Variants in ASMTL observed in about 807,000 individuals in gnomAD.
The protein encoded by ASMTL is probable bifunctional dTTP/UTP pyrophosphatase/methyltransferase protein.
ASMTL carries 57 observed loss-of-function variants against 60.3 expected under a neutral mutation model. The ratio of observed to expected loss-of-function variants is 0.95; its 90% CI spans 0.76 to 1.18. The LOEUF (loss-of-function observed/expected upper bound fraction) is 1.18, where lower values mean the gene tolerates loss of function less well. Among genes scored for constraint, ASMTL ranks in the 50% most tolerant of loss-of-function variants. The probability of loss-of-function intolerance (pLI) is 0.00; values close to 1 mark genes in which losing one functional copy is unlikely to be tolerated. For missense variants in ASMTL, 981 were observed against 852.6 expected (o/e 1.15, Z -1.88); for synonymous variants, 419 against 373.0 (o/e 1.12, Z -1.42).
At chrX:1,410,820 G>C (rs1435157496) in intron 12 of ASMTL, among the ~76,000 whole-genome samples, 2 of 151,890 alleles carry the variant, frequency 1.3e-5, no homozygotes, top group Non-Finnish European at 2.9e-5. Flanking sequence ...AGCCTAGGAG[G>C]TCAAGGCTGC....
At chrX:1,416,669 C>T (rs1311004638) in intron 11 of ASMTL, among the ~76,000 whole-genome samples, 1 of 151,698 alleles carries the variant, frequency 6.6e-6, no homozygotes, top group Admixed American at 6.6e-5. Flanking sequence ...GAGAGTTGCA[C>T]ACACACAAAC....
At chrX:1,426,502 G>A (rs1254531744) in intron 7 of ASMTL, among the ~76,000 whole-genome samples, 4 of 152,188 alleles carry the variant, frequency 2.6e-5, no homozygotes, top group African/African-American at 9.7e-5. Flanking sequence ...GGTGTTGGGA[G>A]GGCTGCATCC....
intron 12 of ASMTL, among the ~76,000 whole-genome samples, chrX:1,407,422 T>C (rs1433686145): frequency 6.7e-6 from 1 of 149,992 alleles, no homozygotes; most frequent in East Asian, 2.0e-4. Context: ...ATTCATGAGA[T>C]GGATGGATGG....
intron 12 of ASMTL, among the ~76,000 whole-genome samples, chrX:1,411,972 C>T (rs1325324975): frequency 1.3e-5 from 2 of 151,654 alleles, no homozygotes; most frequent in Admixed American, 1.3e-4. Context: ...CTATCAAGCC[C>T]GGCTTATTTT....
chrX:1,417,810 GAC>G (rs1204332484), intron 11 of ASMTL, 161 bp downstream of exon 11: 71 of 302,048 alleles, frequency 2.4e-4, no homozygotes, highest in Non-Finnish European at 3.1e-4. Context: ...CACACAGAGA[GAC>G]ACACACACAC....
At chrX:1,452,430 T>C (rs2092882244) in intron 1 of ASMTL, among the ~76,000 whole-genome samples, 1 of 141,964 alleles carries the variant, frequency 7.0e-6, no homozygotes. Context: ...TCCCTAGCGG[T>C]CCTGGGTCAC....
At chrX:1,406,437 A>G (rs1488517394) in intron 12 of ASMTL, among the ~76,000 whole-genome samples, 7 of 147,008 alleles carry the variant, frequency 4.8e-5, no homozygotes, top group African/African-American at 1.8e-4. Flanking sequence ...AGATGGATGG[A>G]GGGATGGGTG....
Position 1,427,990 on chromosome X carries a change from G to A in ASMTL, c.641C>T (p.Pro214Leu), listed in dbSNP as rs1158958372. The A allele has an allele frequency of 1.2e-5, 20 of 1,613,470 alleles. No individual in the cohort carries two copies. Among genetic ancestry groups the A allele is most frequent in the Admixed American group, 1.0e-4 (6 of 60,000 alleles). The change falls in exon 7 of 13, where the codon CCG becomes CTG. Residue 214 changes from proline to leucine, a missense_variant. Pro to Leu is a moderately conservative substitution (Grantham distance 98). Transcript: ENST00000381317. The stretch of plus-strand genomic sequence containing the variant: ...CCGCCGCAGGTCCTCCGGACGGGGC[G>A]GGTAGTAGAGCTTCACCAGCTGCTT... The part of the protein sequence containing the change: ...FCKQLVKLYY[P>L]PRPEDLRRSV...
At chrX:1,411,931 C>A (rs2090043941) in intron 12 of ASMTL, among the ~76,000 whole-genome samples, 1 of 150,420 alleles carries the variant, frequency 6.6e-6, no homozygotes, top group Non-Finnish European at 1.5e-5. Context: ...CCTGCCTCAG[C>A]CTCCTGAGTA....
intron 3 of ASMTL, 95 bp from the exon 4 acceptor site, chrX:1,435,853 T>C (rs2090952127): frequency 9.0e-7 from 1 of 1,111,214 alleles, no homozygotes; most frequent in Non-Finnish European, 1.4e-6. Context: ...ACTTGTTTTA[T>C]GGAAATGAAG....
At chrX:1,433,673 C>G (rs1263551440) in intron 5 of ASMTL, among the ~76,000 whole-genome samples, 2 of 151,230 alleles carry the variant, frequency 1.3e-5, no homozygotes, top group African/African-American at 4.9e-5. Flanking sequence ...AAGCGAGACT[C>G]TGTCACAAAA....
intron 12 of ASMTL, among the ~76,000 whole-genome samples, chrX:1,411,806 CTTTTTTTTTTT>C (rs756437483): frequency 5.3e-4 from 46 of 86,176 alleles, no homozygotes; most frequent in South Asian, 2.2e-3. Flanking sequence ...TTAGGATTTT[CTTTTTTTTTTT>C]TTTTTTTTTT....
chrX:1,431,423 C>A (rs1236250373), intron 6 of ASMTL, among the ~76,000 whole-genome samples: 1 of 134,596 alleles, frequency 7.4e-6, no homozygotes, highest in South Asian at 2.3e-4. Flanking sequence ...AGTTATATAA[C>A]CTATCATATA....
chrX:1,413,124 A>G, intron 11 of ASMTL: 1 of 463,248 alleles, frequency 2.2e-6, no homozygotes, highest in East Asian at 3.4e-5. Context: ...GCATTTTGGG[A>G]GCCTGAGGTG....
In ASMTL at chrX:1,406,323, A is replaced by AGATG. The variant is rs201106505; in HGVS notation, c.1646-2838_1646-2835dup. ...GATGGTAGATGATGGGTAGGTAGGT[A>AGATG]GATGGATGGATGGATTCATGGATGA... On this transcript the variant is annotated intron_variant, in intron 12 of 12. Transcript: ENST00000381317. Among the ~76,000 whole-genome samples the AGATG allele has an allele frequency of 4.5e-3, 662 of 148,736 alleles. 5 individuals are homozygous for AGATG. The highest frequency in any genetic ancestry group is 0.016 in the African/African-American group (624 of 40,200).
At chrX:1,404,466 G>A (rs1457485920) in intron 12 of ASMTL, among the ~76,000 whole-genome samples, 1 of 150,198 alleles carries the variant, frequency 6.7e-6, no homozygotes, top group Non-Finnish European at 1.5e-5. Flanking sequence ...GGGTAGGTAG[G>A]TAGATAGATG....
intron 12 of ASMTL, chrX:1,403,718 A>G (rs2149251385): frequency 1.7e-6 from 1 of 599,942 alleles, no homozygotes; most frequent in Non-Finnish European, 3.0e-6. Flanking sequence ...GGATAGATGG[A>G]TGCATCACCT....
chrX:1,417,594 A>G (rs1435138736), intron 11 of ASMTL, among the ~76,000 whole-genome samples: 4 of 149,564 alleles, frequency 2.7e-5, no homozygotes, highest in Admixed American at 1.3e-4. Context: ...ACCGGCTCAC[A>G]GCATGCACAC....
intron 1 of ASMTL, among the ~76,000 whole-genome samples, chrX:1,450,603 C>A (rs1359634621): frequency 5.9e-4 from 83 of 141,142 alleles, no homozygotes; most frequent in Non-Finnish European, 3.9e-4. Context: ...ACTCTCCCCT[C>A]CCCCATCCCT....
Sources: gnomAD v4.1 joint callset for allele counts (sites outside exome capture counted in the v4.1 genomes callset) on GRCh38, gnomAD v4.1.1 for gene constraint, MANE v1.5 for transcripts, NCBI Gene and HGNC (gene_info 2026-07-23, HGNC 2026-07-21) for gene names.